The following CCDC60 variants were observed in gnomAD, a reference collection of about 807,000 sequenced individuals.
The protein encoded by CCDC60 is coiled-coil domain containing 60, also known as coiled-coil domain-containing protein 60.
A neutral mutation model predicts 63.5 loss-of-function variants in CCDC60; 54 were observed. The observed-to-expected ratio is 0.85, with a 90% CI of 0.68 to 1.07. The LOEUF (loss-of-function observed/expected upper bound fraction) is 1.07. CCDC60 is among the 50% of genes least tolerant of loss of function. The pLI, the probability that CCDC60 is intolerant of heterozygous loss-of-function variation, is 0.00. For missense variants in CCDC60, 651 were observed against 684.3 expected, an observed-to-expected ratio of 0.95 and a Z score of 0.54; for synonymous variants, 206 against 238.8, an observed-to-expected ratio of 0.86 and a Z score of 1.27.
intron 2 of CCDC60, chr12:119,433,294 C>G: frequency 1.5e-6 from 1 of 650,052 alleles, no homozygotes; most frequent in Non-Finnish European, 2.8e-6. Context: ...AGTTGTTCTG[C>G]CACTCTTCAG....
At chr12:119,347,731 C>T (rs1430534028) in intron 1 of CCDC60, among the ~76,000 whole-genome samples, 1 of 152,146 alleles carries the variant, frequency 6.6e-6, no homozygotes, top group African/African-American at 2.4e-5. Context: ...CTAATACTTA[C>T]TATGTAAACT....
intron 2 of CCDC60, among the ~76,000 whole-genome samples, chr12:119,460,576 C>A (rs1366402555): frequency 3.9e-5 from 6 of 152,204 alleles, no homozygotes; most frequent in African/African-American, 1.4e-4. Context: ...CTTGCTCCAG[C>A]CTTCGCTGAG....
Position 119,382,969 on chromosome 12 carries a change from C to T in CCDC60, c.91-45714C>T, listed in dbSNP as rs114682387. The stretch of plus-strand genomic sequence containing the variant: ...AATTGGAGATCTACTGATGGCGGAA[C>T]CTCTTTGTGCTTGCCTGTTAGCCAT... On this transcript the variant is annotated intron_variant, in intron 1 of 13. Transcript: ENST00000327554. 4.4e-3 allele frequency among the ~76,000 whole-genome samples: 668 copies of T among 152,270 alleles called. 3 individuals carry two copies. The highest frequency in any genetic ancestry group is 0.014 in the African/African-American group (596 of 41,538).
intron 2 of CCDC60, among the ~76,000 whole-genome samples, chr12:119,453,555 A>G (rs1376191544): frequency 6.6e-6 from 1 of 152,178 alleles, no homozygotes; most frequent in African/African-American, 2.4e-5. Context: ...ATTACTTCAT[A>G]AGGCAATTTA....
intron 7 of CCDC60, among the ~76,000 whole-genome samples, chr12:119,514,023 G>A (rs561816544): frequency 6.6e-6 from 1 of 152,254 alleles, no homozygotes; most frequent in East Asian, 1.9e-4. Context: ...TTGTTATCAT[G>A]GGAGATGACA....
chr12:119,399,855 T>C (rs567087480), intron 1 of CCDC60, among the ~76,000 whole-genome samples: 2 of 152,164 alleles, frequency 1.3e-5, no homozygotes, highest in African/African-American at 4.8e-5. Flanking sequence ...TGGAGCAGCA[T>C]AGTCCACACT....
intron 10 of CCDC60, among the ~76,000 whole-genome samples, 190 bp from the exon 11 acceptor site, chr12:119,523,503 G>A (rs1193914661): frequency 1.3e-5 from 2 of 152,178 alleles, no homozygotes; most frequent in East Asian, 3.9e-4. Context: ...GATGCTATTG[G>A]GAAGATCTGT....
intron 7 of CCDC60, among the ~76,000 whole-genome samples, chr12:119,511,564 A>T (rs1952215309): frequency 1.3e-5 from 2 of 152,218 alleles, no homozygotes; most frequent in Non-Finnish European, 2.9e-5. Context: ...CCCGTACAAC[A>T]AAAAGACTTC....
chr12:119,484,704 C>A (rs1007758815), intron 4 of CCDC60, among the ~76,000 whole-genome samples: 1 of 151,770 alleles, frequency 6.6e-6, no homozygotes, highest in Non-Finnish European at 1.5e-5. Context: ...CAGAGTGAGA[C>A]CCTGTCTCAA....
At chr12:119,345,982 ATTTTTTTTTTTT>A (rs768961316) in intron 1 of CCDC60, among the ~76,000 whole-genome samples, 1 of 118,686 alleles carries the variant, frequency 8.4e-6, no homozygotes, top group Non-Finnish European at 1.8e-5. Flanking sequence ...TACCCAGCTG[ATTTTTTTTTTTT>A]TTTTTTTTTT....
chr12:119,470,246 G>C (rs1313239375), intron 2 of CCDC60, among the ~76,000 whole-genome samples: 2 of 152,148 alleles, frequency 1.3e-5, no homozygotes, highest in African/African-American at 4.8e-5. Context: ...GATTTCTCTA[G>C]GTTCCTATAG....
At chr12:119,517,403 T>C (rs1337294923) in intron 8 of CCDC60, among the ~76,000 whole-genome samples, 1 of 152,208 alleles carries the variant, frequency 6.6e-6, no homozygotes, top group Non-Finnish European at 1.5e-5. Context: ...TTTATGAACA[T>C]GTATGGGCTG....
rs140115377 is a variant in CCDC60 at position 119,382,609 on chromosome 12, G to GGAATGAATGAAT, written c.91-46057_91-46046dup. Among the ~76,000 whole-genome samples the GGAATGAATGAAT allele has an allele frequency of 2.4e-3, 362 of 151,710 alleles. 3 individuals are homozygous for GGAATGAATGAAT. Among genetic ancestry groups the GGAATGAATGAAT allele is most frequent in the African/African-American group, 7.0e-3 (291 of 41,408 alleles). On this transcript the variant is annotated intron_variant, in intron 1 of 13. Coordinates refer to ENST00000327554, the MANE Select transcript of CCDC60 (RefSeq NM_178499.5). ...CCCATCACAGGCATTCAGAACAGTG[G>GGAATGAATGAAT]GAATGAATGAATGAATGAATGAATG... is the stretch of plus-strand genomic sequence containing the variant.
intron 1 of CCDC60, among the ~76,000 whole-genome samples, chr12:119,355,560 CT>C (rs1376013887): frequency 2.0e-5 from 3 of 152,216 alleles, no homozygotes; most frequent in Non-Finnish European, 2.9e-5. Flanking sequence ...AAAATTGGGG[CT>C]TAGCCCGGGA....
chr12:119,475,299 C>T (rs1951152614), intron 3 of CCDC60, among the ~76,000 whole-genome samples: 2 of 152,220 alleles, frequency 1.3e-5, no homozygotes, highest in Non-Finnish European at 1.5e-5. Context: ...AAAGACACTC[C>T]TGTACCTGTT....
intron 1 of CCDC60, among the ~76,000 whole-genome samples, chr12:119,362,761 A>G (rs1955803611): frequency 6.6e-6 from 1 of 152,176 alleles, no homozygotes; most frequent in Non-Finnish European, 1.5e-5. Context: ...GAACATATAC[A>G]CTAGATTTTC....
At chr12:119,344,900 A>ACACACACACACACACACACACAC (rs1468726434) in intron 1 of CCDC60, among the ~76,000 whole-genome samples, 1 of 56,242 alleles carries the variant, frequency 1.8e-5, no homozygotes. Context: ...CACACACACA[A>ACACACACACACACACACACACAC]TCTCTCCTAC....
intron 2 of CCDC60, among the ~76,000 whole-genome samples, chr12:119,448,542 A>C (rs1267118992): frequency 1.3e-5 from 2 of 152,176 alleles, no homozygotes; most frequent in African/African-American, 4.8e-5. Context: ...AACTATCAAG[A>C]GCATGATTTT....
chr12:119,387,045 C>T (rs1396530153), intron 1 of CCDC60, among the ~76,000 whole-genome samples: 1 of 147,210 alleles, frequency 6.8e-6, no homozygotes, highest in Non-Finnish European at 1.5e-5. Context: ...CACACACACA[C>T]ACACACACAC....
Sources: gnomAD v4.1 joint callset for allele counts (sites outside exome capture counted in the v4.1 genomes callset) on GRCh38, gnomAD v4.1.1 for gene constraint, MANE v1.5 for transcripts, NCBI Gene and HGNC (gene_info 2026-07-23, HGNC 2026-07-21) for gene names.